The following SEMA3F variants were observed in gnomAD, a reference collection of about 807,000 sequenced individuals.
SEMA3F encodes the protein semaphorin-3F.
SEMA3F carries 30 observed loss-of-function variants against 98.5 expected under a neutral mutation model. The ratio of observed to expected loss-of-function variants is 0.30; its 90% confidence interval spans 0.23 to 0.41. The LOEUF is 0.41. Ranked by LOEUF, SEMA3F falls within the 10% of genes least tolerant of loss-of-function variation. The pLI is 1.00. For synonymous variants in SEMA3F, 380 were observed against 444.8 expected (o/e 0.85, Z 1.83); for missense variants, 866 against 1,119.3 (o/e 0.77, Z 3.23).
In SEMA3F at chr3:50,182,318, T is replaced by C. The variant is rs775590428; in HGVS notation, c.678T>C (p.Phe226=). The C allele has an allele frequency of 6.2e-7, 1 of 1,614,140 alleles. No individual in the cohort carries two copies. The highest frequency in any genetic ancestry group is 8.5e-7 in the Non-Finnish European group (1 of 1,180,042). Residue 226 remains phenylalanine, a synonymous_variant, in exon 8 of 19, where the codon TTT becomes TTC. Coordinates refer to ENST00000002829, the MANE Select transcript of SEMA3F (RefSeq NM_004186.5). The surrounding 1 kb of genome is among the most constrained non-coding windows in gnomAD (Gnocchi z 4.5). Reference sequence around the variant, plus strand: ...TCTATGCTGGTGTGTACATCGATTTTATGGGCACTGATGCAGCCATCTTCC... The same window carrying C: ...TCTATGCTGGTGTGTACATCGATTTCATGGGCACTGATGCAGCCATCTTCC... ...EELYAGVYID[F]MGTDAAIFRT...
rs938293465 is a variant in SEMA3F, at chr3:50,166,041, C to T, written c.112+6307C>T. Among the ~76,000 whole-genome samples the T allele has an allele frequency of 4.6e-5, 7 of 152,172 alleles. No individual in the cohort carries two copies. Among genetic ancestry groups the T allele is most frequent in the East Asian group, 1.9e-4 (1 of 5,188 alleles). On this transcript the variant is annotated intron_variant, in intron 2 of 18. Transcript: ENST00000002829. The surrounding 1 kb of genome is among the most constrained non-coding windows in gnomAD (Gnocchi z 4.7). ...AGGGCAAAGACAGACCCAAAGCAAC[C>T]GGCCCCTCCAGGGATCAGGAAGCCT...
At chr3:50,168,492 G>T (rs1252558147) in intron 2 of SEMA3F, among the ~76,000 whole-genome samples, 1 of 152,134 alleles carries the variant, frequency 6.6e-6, no homozygotes, top group Non-Finnish European at 1.5e-5. Flanking sequence ...GTGGCGTTGG[G>T]GTGTAAGTGG....
intron 5 of SEMA3F, among the ~76,000 whole-genome samples, chr3:50,174,780 T>A (rs999800429): frequency 6.6e-6 from 1 of 151,984 alleles, no homozygotes; most frequent in Non-Finnish European, 1.5e-5. Context: ...AGGGCCAGGG[T>A]TGTGGGGAGC....
rs1462860652 is a variant in SEMA3F, at chr3:50,187,796, C to G, written c.2039C>G (p.Ala680Gly). 6.2e-7 allele frequency: 1 copy of G among 1,613,606 alleles called. No homozygotes were observed. The highest frequency in any genetic ancestry group is 1.1e-5 in the South Asian group (1 of 91,084). ...GATCGTGGCCTCTACTCCTGCACAG[C>G]CACTGAGAACAACTTTAAGCACGTC... ...LSDRGLYSCT[A>G]TENNFKHVVT... The change falls in exon 19 of 19, where the codon GCC becomes GGC. Residue 680 changes from alanine to glycine, a missense_variant. Around this residue, in one of 3 missense-constraint regions of SEMA3F, gnomAD observed 245 missense variants for 260.5 expected, o/e 0.94. Transcript: ENST00000002829.
intron 18 of SEMA3F, among the ~76,000 whole-genome samples, chr3:50,187,498 G>A (rs1021457607): frequency 1.3e-5 from 2 of 151,582 alleles, no homozygotes; most frequent in African/African-American, 4.9e-5. Flanking sequence ...CCTCCTTATG[G>A]TCATCACTCC....
chr3:50,167,434 CTG>C (rs747668196), intron 2 of SEMA3F, among the ~76,000 whole-genome samples: 64 of 152,350 alleles, frequency 4.2e-4, no homozygotes, highest in Non-Finnish European at 7.1e-4. Flanking sequence ...TCCGTCACTT[CTG>C]GCTTTTCCTG....
intron 2 of SEMA3F, 101 bp from the exon 3 acceptor site, chr3:50,173,692 C>A: frequency 1.0e-6 from 1 of 973,208 alleles, no homozygotes; most frequent in Non-Finnish European, 1.6e-6. Context: ...TGGTGGGGGT[C>A]CTGAGGGGAA....
rs1309618309 is a variant in SEMA3F, at chr3:50,159,656, C to G, written c.34C>G (p.Leu12Val). 4 of 1,613,122 alleles carry G rather than the reference C, an allele frequency of 2.5e-6. No individual in the cohort carries two copies. Residue 12 changes from leucine to valine, a missense_variant, in exon 2 of 19, where the codon CTA (leucine) becomes GTA (valine). Coordinates refer to ENST00000002829, the MANE Select transcript of SEMA3F (RefSeq NM_004186.5). ...CGCCGGTCTTCTTCTCTGGGCTTCC[C>G]TACTGACCGGGGCCTGGCCATCCTT... is the stretch of plus-strand genomic sequence containing the variant. ...LVAGLLLWAS[L>V]LTGAWPSFPT...
rs144058922 is a variant in SEMA3F, at chr3:50,162,265, G to A, written c.112+2531G>A. Among the ~76,000 whole-genome samples, 605 of 152,330 alleles carry A rather than the reference G, an allele frequency of 4.0e-3. 5 individuals carry two copies. Among genetic ancestry groups the A allele is most frequent in the African/African-American group, 0.013 (560 of 41,564 alleles). ...AAAGGCAGGAACTGGGCCAGGCTTG[G>A]GTTTGCTGCCCGCCCATCCGCCTGG... On this transcript the variant is annotated intron_variant, in intron 2 of 18. Coordinates refer to ENST00000002829, the MANE Select transcript of SEMA3F (RefSeq NM_004186.5).
chr3:50,180,618 T>G (rs1322228181), intron 7 of SEMA3F, among the ~76,000 whole-genome samples: 1 of 152,104 alleles, frequency 6.6e-6, no homozygotes, highest in East Asian at 1.9e-4. Flanking sequence ...GAATGGCCAG[T>G]AAGTGGAGCA....
chr3:50,159,251 A>G (rs749434714), intron 1 of SEMA3F: 2 of 196,454 alleles, frequency 1.0e-5, no homozygotes, highest in Non-Finnish European at 2.0e-5. Context: ...GAAAGGAGAA[A>G]GCATGCTGGG....
chr3:50,182,203 C>T lies in SEMA3F; in HGVS notation c.644-81C>T, dbSNP rs951002888. On this transcript the variant is annotated intron_variant, in intron 7 of 18. Transcript: ENST00000002829. This position sits in a 1 kb window ranked among gnomAD's most constrained non-coding sequence, Gnocchi z 4.5. ...AGGGAGCCTGAGCGGGGAGATAAGGCCCTGCCCTGGAAGTCATCTGAGCTG... is the reference window on the plus strand; with the variant it reads ...AGGGAGCCTGAGCGGGGAGATAAGGTCCTGCCCTGGAAGTCATCTGAGCTG... The T allele has an allele frequency of 6.3e-7, 1 of 1,585,316 alleles. No individual in the cohort carries two copies.
At chr3:50,173,538 A>T (rs1698690714) in intron 2 of SEMA3F, 4 of 482,392 alleles carry the variant, frequency 8.3e-6, no homozygotes, top group Admixed American at 7.5e-5. Flanking sequence ...GCTAGTCAGG[A>T]GGCTGAGACA....
chr3:50,182,257 C>T lies in SEMA3F; in HGVS notation c.644-27C>T, dbSNP rs1396014167. The T allele has an allele frequency of 6.2e-7, 1 of 1,613,952 alleles. No individual in the cohort carries two copies. The highest frequency in any genetic ancestry group is 1.1e-5 in the South Asian group (1 of 91,072). On this transcript the variant is annotated intron_variant, in intron 7 of 18. Transcript: ENST00000002829. This position sits in a 1 kb window ranked among gnomAD's most constrained non-coding sequence, Gnocchi z 4.5. ...CCTGGCCCTAGCAAACAGCAGCCCC[C>T]CAACTGACCCACTGGCCTACCCACA...
intron 13 of SEMA3F, 133 bp from the exon 14 acceptor site, chr3:50,185,310 T>C: frequency 1.2e-6 from 1 of 820,286 alleles, no homozygotes; most frequent in Non-Finnish European, 1.9e-6. Flanking sequence ...CTGGGGAAAC[T>C]CTTCCACCTT....
chr3:50,163,523 G>A (rs1698292732), intron 2 of SEMA3F, among the ~76,000 whole-genome samples: 1 of 152,238 alleles, frequency 6.6e-6, no homozygotes, highest in Non-Finnish European at 1.5e-5. Context: ...GAGATGATGA[G>A]GTTAGAGGTT....
At chr3:50,169,190 C>T (rs1277883845) in intron 2 of SEMA3F, among the ~76,000 whole-genome samples, 1 of 152,202 alleles carries the variant, frequency 6.6e-6, no homozygotes, top group East Asian at 1.9e-4. Flanking sequence ...AGGGGCTGCC[C>T]ACTTGGGGTC....
At position 50,155,783 on chromosome 3, in the gene SEMA3F, T is replaced by TG. The variant is rs924522584; in HGVS notation, c.-49+221dup. 5.0e-6 allele frequency: 1 copy of TG among 200,748 alleles called. No homozygotes were observed. Among genetic ancestry groups the TG allele is most frequent in the Non-Finnish European group, 1.0e-5 (1 of 100,312 alleles). The allele number at this position is 200,748 out of a possible 1,614,324, so 12.4% of individuals were successfully genotyped here. On this transcript the variant is annotated intron_variant, in intron 1 of 18. Coordinates refer to ENST00000002829, the MANE Select transcript of SEMA3F (RefSeq NM_004186.5). The surrounding 1 kb of genome is among the most constrained non-coding windows in gnomAD (Gnocchi z 4.9). ...ACCTACGGGGCGGCGTATGGATGTG[T>TG]GGATGATGTGGCCTGCGGGGTCACC... is the stretch of plus-strand genomic sequence containing the variant.
rs1217741408 is a variant in SEMA3F, at chr3:50,174,343, G to A, written c.449G>A (p.Arg150His). 3.7e-6 allele frequency: 6 copies of A among 1,611,650 alleles called. No homozygotes were observed. The highest frequency in any genetic ancestry group is 2.2e-5 in the East Asian group (1 of 44,840). Residue 150 changes from arginine to histidine, a missense_variant, in exon 5 of 19, where the codon CGC becomes CAC. Physicochemically the swap from Arg to His is conservative, Grantham distance 29. Coordinates refer to ENST00000002829, the MANE Select transcript of SEMA3F (RefSeq NM_004186.5). ...TGCACCTATGTGAACCGCGGACGCC[G>A]CGCCCAGGTAAGCCCCAGCCACCCT... ...PMCTYVNRGR[R>H]AQATPWTQTQ... is the part of the protein sequence containing the mutation.
Sources: gnomAD v4.1 joint callset for allele counts (sites outside exome capture counted in the v4.1 genomes callset) on GRCh38, gnomAD v4.1.1 for gene constraint, gnomAD v4.1.1 regional missense constraint, Gnocchi (gnomAD v3.1) non-coding constraint, MANE v1.5 for transcripts, NCBI Gene and HGNC (gene_info 2026-07-23, HGNC 2026-07-21) for gene names.